The following GATA3 variants were observed in gnomAD, a reference collection of about 807,000 sequenced individuals.
GATA3 encodes the protein GATA binding protein 3, also known as trans-acting T-cell-specific transcription factor GATA-3.
In GATA3, 6 loss-of-function variants were observed where a neutral mutation model predicts 36.0. The observed-to-expected ratio is 0.17, with a 90% CI of 0.09 to 0.33. The LOEUF is 0.33. Ranked by LOEUF, GATA3 falls within the 10% of genes least tolerant of loss-of-function variation. The probability of loss-of-function intolerance (pLI) is 1.00; values close to 1 mark genes in which losing one functional copy is unlikely to be tolerated. For missense variants in GATA3, 514 were observed against 610.1 expected (o/e 0.84, Z 1.66); for synonymous variants, 326 against 273.0 (o/e 1.19, Z -1.92).
chr10:8,067,797 G>A (rs1421990821), intron 4 of GATA3, among the ~76,000 whole-genome samples: 9 of 152,082 alleles, frequency 5.9e-5, no homozygotes, highest in South Asian at 2.1e-4. Context: ...CAGCCTGGGC[G>A]ACAGAGCGAG....
At chr10:8,065,700 G>GTTT (rs748515966) in intron 4 of GATA3, among the ~76,000 whole-genome samples, 48 of 62,272 alleles carry the variant, frequency 7.7e-4, no homozygotes, top group East Asian at 1.1e-3. Flanking sequence ...CAGCAGTTTG[G>GTTT]TTTTTTTTTT....
rs1280034142 is a variant in GATA3, at chr10:8,055,758, T to C, written c.103T>C (p.Tyr35His). 2 of 1,586,602 alleles carry C rather than the reference T, an allele frequency of 1.3e-6. No homozygotes were observed. Among genetic ancestry groups the C allele is most frequent in the Non-Finnish European group, 1.7e-6 (2 of 1,166,486 alleles). The change falls in exon 2 of 6, where the codon TAC becomes CAC. Residue 35 changes from tyrosine to histidine, a missense_variant. Around this residue, in one of 3 missense-constraint regions of GATA3, gnomAD observed 381 missense variants for 354.3 expected, o/e 1.08. Transcript: ENST00000379328. The surrounding 1 kb of genome is among the most constrained non-coding windows in gnomAD (Gnocchi z 5.4). ...DTHHPGLSHSYMDAAQYPLPE... is the reference protein window; with the variant it reads ...DTHHPGLSHSHMDAAQYPLPE... Reference sequence around the variant, plus strand: ...GCACCACCCGGGCCTCAGCCACTCCTACATGGACGCGGCGCAGTACCCGCT... The same window carrying C: ...GCACCACCCGGGCCTCAGCCACTCCCACATGGACGCGGCGCAGTACCCGCT...
chr10:8,052,059 G>T (rs772712763), upstream of GATA3, among the ~76,000 whole-genome samples: 7 of 152,192 alleles, frequency 4.6e-5, no homozygotes, highest in Non-Finnish European at 1.0e-4. Flanking sequence ...GAGACTGGCC[G>T]GCGCGGGCCA....
At chr10:8,059,005 C>G (rs562471687) in intron 3 of GATA3, among the ~76,000 whole-genome samples, 164 bp downstream of exon 3, 16 of 152,348 alleles carry the variant, frequency 1.1e-4, no homozygotes, top group African/African-American at 3.6e-4. Flanking sequence ...GCATGTCCTC[C>G]CATCCTAGCT....
upstream of GATA3, chr10:8,052,597 T>C (rs752188755): frequency 3.3e-5 from 5 of 152,230 alleles, no homozygotes; most frequent in African/African-American, 4.8e-5. Flanking sequence ...CACCCCTCGA[T>C]TGACGCGCGG....
rs11567885 is a variant in GATA3, at chr10:8,055,519, C to A, written c.-137C>A. ...CACCTTTGCTTCCCAGCCTTCCCAT[C>A]CCCCCACCGAAAGCAAATCATTCAA... is the stretch of plus-strand genomic sequence containing the variant. On this transcript the variant is annotated 5_prime_UTR_variant, in exon 2 of 6. Coordinates refer to ENST00000379328, the MANE Select transcript of GATA3 (RefSeq NM_001002295.2). This position sits in a 1 kb window ranked among gnomAD's most constrained non-coding sequence, Gnocchi z 5.4. 176 of 899,322 alleles carry A rather than the reference C, an allele frequency of 2.0e-4. No homozygotes were observed. In the African/African-American group the frequency reaches 2.8e-3, roughly 14 times the overall value. The allele number at this position is 899,322 out of a possible 1,614,324, so 55.7% of individuals were successfully genotyped here. A position where few individuals can be genotyped will look rare whatever the true frequency, so the allele number is the denominator to read the frequency against.
At chr10:8,046,535 C>T (rs1832389195) in intron 1 of GATA3, among the ~76,000 whole-genome samples, 1 of 152,104 alleles carries the variant, frequency 6.6e-6, no homozygotes, top group African/African-American at 2.4e-5. Context: ...TGCCTAGCGG[C>T]TGCTGCCGAG....
chr10:8,061,924 A>G (rs998112156), intron 3 of GATA3, among the ~76,000 whole-genome samples: 1 of 152,138 alleles, frequency 6.6e-6, no homozygotes, highest in African/African-American at 2.4e-5. Context: ...GAGGAGCCCG[A>G]GGGGGTCCCC....
intron 4 of GATA3, among the ~76,000 whole-genome samples, chr10:8,069,014 G>C (rs970687138): frequency 6.6e-6 from 1 of 152,236 alleles, no homozygotes; most frequent in Non-Finnish European, 1.5e-5. Context: ...GCTGGAGCCT[G>C]TTTGAGGATG....
At chr10:8,057,814 G>T (rs528070974) in intron 2 of GATA3, among the ~76,000 whole-genome samples, 11 of 152,148 alleles carry the variant, frequency 7.2e-5, no homozygotes, top group Admixed American at 7.2e-4. Context: ...GTGTGGAGCA[G>T]TTGTGTGGCC....
upstream of GATA3, among the ~76,000 whole-genome samples, chr10:8,049,357 T>C (rs1439396884): frequency 2.0e-5 from 3 of 152,252 alleles, no homozygotes; most frequent in Admixed American, 1.3e-4. Context: ...TGGGTTTTGT[T>C]TGAAGAGAGC....
Position 8,074,135 on chromosome 10 carries a change from T to A in GATA3, c.*112T>A. ...CCTAAACGCGATGGATATATGTTTT[T>A]GAAGGCAGAAAGCAAAATTATGTTT... On this transcript the variant is annotated 3_prime_UTR_variant, in exon 6 of 6. Coordinates refer to ENST00000379328, the MANE Select transcript of GATA3 (RefSeq NM_001002295.2). The A allele has an allele frequency of 2.3e-6, 3 of 1,288,992 alleles. No individual in the cohort carries two copies. Among genetic ancestry groups the A allele is most frequent in the Non-Finnish European group, 3.2e-6 (3 of 944,108 alleles). 79.8% of individuals were successfully genotyped at this position (1,288,992 alleles called of 1,614,324 possible).
Position 8,069,495 on chromosome 10 carries a change from C to T in GATA3, c.947C>T (p.Thr316Met), listed in dbSNP as rs2131511663. 2.5e-6 allele frequency: 4 copies of T among 1,613,778 alleles called. No individual in the cohort carries two copies. Among genetic ancestry groups the T allele is most frequent in the Admixed American group, 1.7e-5 (1 of 59,982 alleles). The change falls in exon 5 of 6, where the codon ACG becomes ATG. Residue 316 changes from threonine to methionine, a missense_variant. Thr to Met is a moderately conservative substitution (Grantham distance 81, BLOSUM62 -1). This residue lies in a region of GATA3 where 44 missense variants were observed against 151.5 expected (regional missense o/e 0.29). Coordinates refer to ENST00000379328, the MANE Select transcript of GATA3 (RefSeq NM_001002295.2). The stretch of plus-strand genomic sequence containing the variant: ...CAGTCTGCAGCCAGGAGAGCAGGGA[C>T]GTCCTGTGCGAACTGTCAGACCACC... The part of the protein sequence containing the change: ...RRLSAARRAG[T>M]SCANCQTTTT...
chr10:8,071,849 C>T (rs949626875), intron 5 of GATA3, among the ~76,000 whole-genome samples: 4 of 152,132 alleles, frequency 2.6e-5, no homozygotes, highest in Non-Finnish European at 5.9e-5. Flanking sequence ...GTATCAGCAT[C>T]TCTCAGTGGT....
intron 4 of GATA3, among the ~76,000 whole-genome samples, chr10:8,065,699 GGTT>G (rs1232762926): frequency 4.2e-5 from 5 of 118,568 alleles, no homozygotes; most frequent in African/African-American, 1.7e-4. Flanking sequence ...CCAGCAGTTT[GGTT>G]TTTTTTTTTT....
At position 8,075,185 on chromosome 10, in the gene GATA3, A is replaced by G. The variant is rs1832994486; in HGVS notation, c.*1162A>G. 4.4e-6 allele frequency: 1 copy of G among 228,094 alleles called. No individual in the cohort carries two copies. Among genetic ancestry groups the G allele is most frequent in the Admixed American group, 5.7e-5 (1 of 17,584 alleles). 14.1% of individuals were successfully genotyped at this position (228,094 alleles called of 1,614,324 possible). ...TTATAAGCATAATAATAAAGTGAAAATATTTTAAAACTACAAAATGACATC... is the reference window on the plus strand; with the variant it reads ...TTATAAGCATAATAATAAAGTGAAAGTATTTTAAAACTACAAAATGACATC... On this transcript the variant is annotated 3_prime_UTR_variant, in exon 6 of 6. Coordinates refer to ENST00000379328, the MANE Select transcript of GATA3 (RefSeq NM_001002295.2).
intron 1 of GATA3, among the ~76,000 whole-genome samples, chr10:8,047,446 G>A (rs189738870): frequency 5.9e-5 from 9 of 152,362 alleles, no homozygotes; most frequent in African/African-American, 1.9e-4. Context: ...ACACATAAAT[G>A]TGCATTCTTC....
At chr10:8,051,594 A>T (rs1267850544), upstream of GATA3, 5 of 153,856 alleles carry the variant, frequency 3.2e-5, no homozygotes, top group African/African-American at 1.2e-4. Flanking sequence ...GAGGAAGGGG[A>T]CTCGCTAGAC....
At chr10:8,069,944 G>A (rs957046536) in intron 5 of GATA3, among the ~76,000 whole-genome samples, 15 of 152,104 alleles carry the variant, frequency 9.9e-5, no homozygotes, top group Admixed American at 9.8e-4. Flanking sequence ...CTATTTTGTT[G>A]TTTCCTTACA....
Sources: allele counts gnomAD v4.1 joint callset (sites outside exome capture counted in the v4.1 genomes callset), GRCh38; gene constraint gnomAD v4.1.1; regional missense constraint gnomAD v4.1.1; non-coding constraint Gnocchi (gnomAD v3.1); transcripts MANE v1.5; gene names NCBI Gene and HGNC (gene_info 2026-07-23, HGNC 2026-07-21).